PIK3C2G: variants seen among roughly 807,000 people sequenced by gnomAD.
The protein encoded by PIK3C2G is phosphatidylinositol 3-kinase C2 domain-containing subunit gamma.
A neutral mutation model predicts 181.1 loss-of-function variants in PIK3C2G; 168 were observed. That is an observed-to-expected ratio of 0.93 (90% CI 0.82 to 1.05). The LOEUF (loss-of-function observed/expected upper bound fraction) is 1.05, where lower values mean the gene tolerates loss of function less well. Ranked by LOEUF, PIK3C2G falls within the 50% of genes least tolerant of loss-of-function variation. PIK3C2G has a pLI of 0.00. For synonymous variants in PIK3C2G, 573 were observed against 592.2 expected, an observed-to-expected ratio of 0.97 and a Z score of 0.47; for missense variants, 1,869 against 1,732.8, an observed-to-expected ratio of 1.08 and a Z score of -1.40.
At chr12:18,247,071 C>T (rs1948047966), upstream of PIK3C2G, among the ~76,000 whole-genome samples, 1 of 152,166 alleles carries the variant, frequency 6.6e-6, no homozygotes, top group Non-Finnish European at 1.5e-5. Flanking sequence ...TGCAAGACTT[C>T]TCCCAGATTT....
At chr12:18,511,214 A>C (rs772006896) in intron 24 of PIK3C2G, among the ~76,000 whole-genome samples, 1 of 152,084 alleles carries the variant, frequency 6.6e-6, no homozygotes, top group Non-Finnish European at 1.5e-5. Flanking sequence ...ACATTTTCTT[A>C]ATCTCTTCAT....
chr12:18,556,161 G>T (rs369111133), intron 26 of PIK3C2G, among the ~76,000 whole-genome samples: 2 of 152,124 alleles, frequency 1.3e-5, no homozygotes, highest in South Asian at 4.1e-4. Context: ...CCTCCCAGCT[G>T]CTGCTTTATT....
chr12:18,272,865 C>A (rs1459102665), intron 1 of PIK3C2G, among the ~76,000 whole-genome samples: 1 of 152,080 alleles, frequency 6.6e-6, no homozygotes, highest in African/African-American at 2.4e-5. Flanking sequence ...ACCAAGCAAC[C>A]CTGCTTTCTT....
At chr12:18,363,934 T>C (rs1941455591) in intron 12 of PIK3C2G, among the ~76,000 whole-genome samples, 1 of 152,176 alleles carries the variant, frequency 6.6e-6, no homozygotes, top group Non-Finnish European at 1.5e-5. Context: ...TTGGGTAAGG[T>C]TCTTTATTCC....
intron 18 of PIK3C2G, among the ~76,000 whole-genome samples, chr12:18,446,326 G>C (rs1316726751): frequency 6.6e-6 from 1 of 152,068 alleles, no homozygotes; most frequent in Non-Finnish European, 1.5e-5. Context: ...CTGGCTTTTG[G>C]TTGGATAAGC....
intron 18 of PIK3C2G, among the ~76,000 whole-genome samples, chr12:18,459,526 T>C (rs544132582): frequency 6.6e-6 from 1 of 152,326 alleles, no homozygotes; most frequent in South Asian, 2.1e-4. Flanking sequence ...TGTGAATGTG[T>C]AGACAACTTT....
At chr12:18,323,796 G>C (rs1261554509) in intron 7 of PIK3C2G, among the ~76,000 whole-genome samples, 1 of 152,114 alleles carries the variant, frequency 6.6e-6, no homozygotes, top group African/African-American at 2.4e-5. Flanking sequence ...CTTCCTCTTA[G>C]AAGTTGAGCA....
At position 18,290,882 on chromosome 12, in the gene PIK3C2G, T is replaced by C. The variant is rs376586673; in HGVS notation, c.789T>C (p.Asp263=). 21 of 1,605,194 alleles carry C rather than the reference T, an allele frequency of 1.3e-5. No homozygotes were observed. The African/African-American group carries it at 2.4e-4, about 18-fold the overall frequency. The part of the protein sequence containing the change: ...KKIRERYHAA[D]VNFNSGKIWS... ...TCAGAGAAAGATATCATGCAGCTGA[T>C]GTTAATTTCAATTCTGGGAAGATCT... The change falls in exon 4 of 33, where the codon GAT becomes GAC. Residue 263 remains aspartate, a synonymous_variant. Transcript: ENST00000538779.
At chr12:18,352,565 C>A (rs976081810) in intron 11 of PIK3C2G, among the ~76,000 whole-genome samples, 2 of 152,214 alleles carry the variant, frequency 1.3e-5, no homozygotes, top group Non-Finnish European at 2.9e-5. Flanking sequence ...GCTCTCTTTG[C>A]CATCCGCAGA....
the PIK3C2G span, among the ~76,000 whole-genome samples, chr12:18,704,989 A>G: frequency 6.6e-6 from 1 of 152,172 alleles, no homozygotes; most frequent in Non-Finnish European, 1.5e-5. Context: ...ATCGAAATAT[A>G]TTCACCTAAG....
At chr12:18,341,010 G>A (rs1006700005) in intron 9 of PIK3C2G, among the ~76,000 whole-genome samples, 1 of 152,136 alleles carries the variant, frequency 6.6e-6, no homozygotes, top group African/African-American at 2.4e-5. Context: ...CAGATGTGTG[G>A]ATGTCGACAC....
the PIK3C2G span, among the ~76,000 whole-genome samples, chr12:18,690,026 G>A: frequency 1.9e-4 from 29 of 152,158 alleles, no homozygotes; most frequent in Admixed American, 9.2e-4. Context: ...GAATACAAAC[G>A]TGGCACTTGT....
chr12:18,603,730 C>T (rs1296332955), intron 30 of PIK3C2G, among the ~76,000 whole-genome samples: 1 of 152,118 alleles, frequency 6.6e-6, no homozygotes, highest in Non-Finnish European at 1.5e-5. Context: ...CCTCCTAAAA[C>T]AAAACAATTA....
intron 31 of PIK3C2G, among the ~76,000 whole-genome samples, chr12:18,631,694 AAAG>A (rs1156789827): frequency 6.6e-6 from 1 of 152,196 alleles, no homozygotes; most frequent in Non-Finnish European, 1.5e-5. Context: ...CCAAAGCGAA[AAAG>A]AAGGTGTTCG....
At chr12:18,432,694 A>T (rs896904680) in intron 18 of PIK3C2G, among the ~76,000 whole-genome samples, 1 of 152,200 alleles carries the variant, frequency 6.6e-6, no homozygotes, top group Non-Finnish European at 1.5e-5. Context: ...ATCCAAAAGG[A>T]ATACACTAAC....
At chr12:18,373,461 A>T (rs933462452) in intron 13 of PIK3C2G, among the ~76,000 whole-genome samples, 10 of 152,214 alleles carry the variant, frequency 6.6e-5, no homozygotes, top group African/African-American at 2.4e-4. Context: ...TGGTGATTAA[A>T]CTCAGATAAA....
rs761476205 is a variant in PIK3C2G at position 18,282,665 on chromosome 12, G to C, written c.584G>C (p.Ser195Thr). The C allele has an allele frequency of 6.2e-7, 1 of 1,613,452 alleles. No individual in the cohort carries two copies. Among genetic ancestry groups the C allele is most frequent in the Non-Finnish European group, 8.5e-7 (1 of 1,179,452 alleles). ...ATGCCGAAAGAAGAGAATAAAAGGA[G>C]TGGACATGTGAACATTGTGGAACCA... ...DFMPKEENKR[S>T]GHVNIVEPSL... The change falls in exon 2 of 33, where the codon AGT (serine) becomes ACT (threonine). Residue 195 changes from serine (S) to threonine (T), a missense_variant. Physicochemically the swap from Ser to Thr is moderately conservative, Grantham distance 58 (BLOSUM62 1). Transcript: ENST00000538779.
At chr12:18,619,057 T>A (rs565353695) in intron 31 of PIK3C2G, among the ~76,000 whole-genome samples, 2 of 151,476 alleles carry the variant, frequency 1.3e-5, no homozygotes, top group South Asian at 4.1e-4. Context: ...AGCCAGAAAC[T>A]TAGTGAAAGA....
intron 18 of PIK3C2G, among the ~76,000 whole-genome samples, chr12:18,460,749 A>AT (rs1450788648): frequency 6.6e-6 from 1 of 151,688 alleles, no homozygotes; most frequent in Non-Finnish European, 1.5e-5. Context: ...TAGCATACAT[A>AT]TCAAATAAAA....
Sources: gnomAD v4.1 joint callset for allele counts (sites outside exome capture counted in the v4.1 genomes callset) on GRCh38, gnomAD v4.1.1 for gene constraint, MANE v1.5 for transcripts, NCBI Gene and HGNC (gene_info 2026-07-23, HGNC 2026-07-21) for gene names.